GPHN: variants seen among roughly 807,000 people sequenced by gnomAD.
GPHN encodes the protein gephyrin.
Under a neutral mutation model 95.5 loss-of-function variants are expected in GPHN, and 17 were observed. The ratio of observed to expected loss-of-function variants is 0.18; its 90% CI spans 0.12 to 0.27. The LOEUF (loss-of-function observed/expected upper bound fraction) is 0.27. Ranked by LOEUF, GPHN falls within the 10% of genes least tolerant of loss-of-function variation. GPHN has a pLI of 1.00. For synonymous variants in GPHN, 320 were observed against 322.5 expected (o/e 0.99, Z 0.08); for missense variants, 660 against 978.1 (o/e 0.67, Z 4.34).
chr14:67,660,266 T>A, the GPHN span: 1 of 166,760 alleles, frequency 6.0e-6, no homozygotes, highest in African/African-American at 2.4e-5. Flanking sequence ...ATATAAGACT[T>A]AAAGAAACCT....
At chr14:67,432,475 C>G in the GPHN span, among the ~76,000 whole-genome samples, 1 of 152,192 alleles carries the variant, frequency 6.6e-6, no homozygotes, top group Non-Finnish European at 1.5e-5. Context: ...GAGTATTTAC[C>G]TTCCAGAATG....
chr14:67,395,373 C>T, the GPHN span: 212 of 1,604,626 alleles, frequency 1.3e-4, no homozygotes, highest in East Asian at 4.6e-3. Flanking sequence ...GGAGAGGCTG[C>T]CACAGAGCCC....
the GPHN span, among the ~76,000 whole-genome samples, chr14:67,719,857 A>C: frequency 6.6e-6 from 1 of 152,120 alleles, no homozygotes; most frequent in Non-Finnish European, 1.5e-5. Context: ...GCTGTATACT[A>C]TCTATTATGT....
the GPHN span, among the ~76,000 whole-genome samples, chr14:67,256,539 C>T: frequency 1.3e-5 from 2 of 151,978 alleles, no homozygotes; most frequent in Admixed American, 1.3e-4. Context: ...ACTTTATATC[C>T]TTTTTTCTTT....
the GPHN span, among the ~76,000 whole-genome samples, chr14:67,396,292 C>A: frequency 6.6e-6 from 1 of 151,558 alleles, no homozygotes; most frequent in South Asian, 2.1e-4. Context: ...GGACTACAGA[C>A]GCCCACCACC....
chr14:67,106,047 A>G (rs2078022044), intron 13 of GPHN, among the ~76,000 whole-genome samples: 1 of 152,100 alleles, frequency 6.6e-6, no homozygotes, highest in Non-Finnish European at 1.5e-5. Context: ...TTTTGCTTCC[A>G]GATATATGAC....
chr14:66,999,950 C>T (rs1417832202), intron 9 of GPHN, among the ~76,000 whole-genome samples: 1 of 151,578 alleles, frequency 6.6e-6, no homozygotes, highest in Non-Finnish European at 1.5e-5. Context: ...CAAATTGAAC[C>T]CTTTACAGCC....
At chr14:67,553,722 T>C in the GPHN span, among the ~76,000 whole-genome samples, 1 of 152,256 alleles carries the variant, frequency 6.6e-6, no homozygotes, top group African/African-American at 2.4e-5. Flanking sequence ...TATTGATTTA[T>C]GCTGTGCTGT....
intron 5 of GPHN, among the ~76,000 whole-genome samples, chr14:66,904,397 A>G (rs1048711014): frequency 6.6e-6 from 1 of 152,072 alleles, no homozygotes; most frequent in Admixed American, 6.6e-5. Flanking sequence ...GGTCCATTTT[A>G]CAAATCTCTA....
At chr14:67,048,343 T>C (rs2075137835) in intron 10 of GPHN, among the ~76,000 whole-genome samples, 1 of 152,170 alleles carries the variant, frequency 6.6e-6, no homozygotes, top group African/African-American at 2.4e-5. Context: ...CTGCAAAAAT[T>C]CTGAACTAAA....
At chr14:66,964,193 A>G (rs1475802050) in intron 8 of GPHN, among the ~76,000 whole-genome samples, 2 of 152,044 alleles carry the variant, frequency 1.3e-5, no homozygotes, top group Non-Finnish European at 2.9e-5. Context: ...TGATAATTAC[A>G]TTAGTCTTTA....
chr14:67,119,903 G>A (rs1486760070), intron 16 of GPHN, among the ~76,000 whole-genome samples: 2 of 152,100 alleles, frequency 1.3e-5, no homozygotes, highest in Non-Finnish European at 2.9e-5. Flanking sequence ...GCTGAGGCAG[G>A]TGAATCACTT....
At chr14:67,309,895 A>G in the GPHN span, among the ~76,000 whole-genome samples, 1 of 152,166 alleles carries the variant, frequency 6.6e-6, no homozygotes, top group South Asian at 2.1e-4. Context: ...TTGTCAATCA[A>G]GATTGACAAG....
the GPHN span, among the ~76,000 whole-genome samples, chr14:67,298,440 G>A: frequency 3.3e-5 from 5 of 151,650 alleles, no homozygotes; most frequent in African/African-American, 9.7e-5. Flanking sequence ...GCTTGAACCC[G>A]GGAGGCGAAG....
chr14:66,847,759 A>G (rs1365828424), intron 4 of GPHN, among the ~76,000 whole-genome samples: 3 of 152,120 alleles, frequency 2.0e-5, no homozygotes, highest in African/African-American at 4.8e-5. Flanking sequence ...AAATGAAGTG[A>G]AACTTTTGTG....
chr14:67,421,706 G>T, the GPHN span, among the ~76,000 whole-genome samples: 1 of 152,156 alleles, frequency 6.6e-6, no homozygotes, highest in African/African-American at 2.4e-5. Flanking sequence ...GGAGCCATTG[G>T]TAAGAGCATG....
At chr14:66,632,489 C>CTTTTT (rs60856342) in intron 1 of GPHN, among the ~76,000 whole-genome samples, 9 of 122,002 alleles carry the variant, frequency 7.4e-5, no homozygotes, top group Non-Finnish European at 1.7e-4. Flanking sequence ...ACAATACATT[C>CTTTTT]TTTTTTTTTT....
chr14:66,907,987 A>T (rs754768089), intron 5 of GPHN, among the ~76,000 whole-genome samples: 1 of 152,112 alleles, frequency 6.6e-6, no homozygotes, highest in Non-Finnish European at 1.5e-5. Context: ...GCTTTAACAT[A>T]GATACAAATG....
chr14:67,620,807 AG>A, the GPHN span: 2 of 1,349,498 alleles, frequency 1.5e-6, no homozygotes, highest in East Asian at 4.6e-5. Context: ...AGGTTTTCAG[AG>A]GAACCTGCTG....
Sources: allele counts gnomAD v4.1 joint callset (sites outside exome capture counted in the v4.1 genomes callset), GRCh38; gene constraint gnomAD v4.1.1; transcripts MANE v1.5; gene names NCBI Gene and HGNC (gene_info 2026-07-23, HGNC 2026-07-21).